TBX20: variants seen among roughly 807,000 people sequenced by gnomAD.
The protein encoded by TBX20 is T-box transcription factor 20.
Under a neutral mutation model 42.9 loss-of-function variants are expected in TBX20, and 8 were observed. The observed-to-expected ratio is 0.19, with a 90% CI of 0.11 to 0.34. The LOEUF is 0.34. Ranked by LOEUF, TBX20 falls within the 10% of genes least tolerant of loss-of-function variation. The probability of loss-of-function intolerance (pLI) is 1.00; values close to 1 mark genes in which losing one functional copy is unlikely to be tolerated. For missense variants in TBX20, 411 were observed against 566.0 expected (o/e 0.73, Z 2.78); for synonymous variants, 198 against 222.8 (o/e 0.89, Z 0.99).
chr7:35,245,973 C>A (rs569351786), intron 3 of TBX20, among the ~76,000 whole-genome samples: 20 of 152,220 alleles, frequency 1.3e-4, no homozygotes, highest in Admixed American at 3.3e-4. Context: ...CCTTTATCCA[C>A]GTAAAAGGTT....
chr7:35,215,763 A>AC (rs1219162653), intron 6 of TBX20, among the ~76,000 whole-genome samples: 1 of 152,142 alleles, frequency 6.6e-6, no homozygotes, highest in Admixed American at 6.5e-5. Context: ...AATGGTACAC[A>AC]CGTCAGAGAC....
chr7:35,232,554 C>G (rs1005746012), intron 5 of TBX20, among the ~76,000 whole-genome samples: 3 of 152,194 alleles, frequency 2.0e-5, no homozygotes, highest in Admixed American at 2.0e-4. Flanking sequence ...TGGTCAGTAA[C>G]TTAATTAGAA....
intron 6 of TBX20, among the ~76,000 whole-genome samples, chr7:35,209,231 A>G (rs1266637519): frequency 6.6e-6 from 1 of 151,914 alleles, no homozygotes; most frequent in East Asian, 1.9e-4. Flanking sequence ...CTCCTCTTCA[A>G]TTTTCTAGAA....
intron 1 of TBX20, among the ~76,000 whole-genome samples, chr7:35,252,281 TTTTG>T (rs1267262874): frequency 1.2e-4 from 18 of 152,318 alleles, no homozygotes; most frequent in African/African-American, 4.3e-4. Flanking sequence ...AACAATTGGA[TTTTG>T]TTTGATTGAT....
intron 6 of TBX20, among the ~76,000 whole-genome samples, chr7:35,221,237 A>C (rs1357947167): frequency 6.7e-6 from 1 of 149,930 alleles, no homozygotes; most frequent in East Asian, 1.9e-4. Flanking sequence ...GGAGAAGTAC[A>C]AAAAAAAATC....
chr7:35,250,042 T>G lies in TBX20; in HGVS notation c.289A>C (p.Met97Leu). Residue 97 changes from methionine to leucine, a missense_variant, in exon 2 of 8, where the codon ATG becomes CTG. Coordinates refer to ENST00000408931, the MANE Select transcript of TBX20 (RefSeq NM_001077653.2). ...PTTPIIPSEE[M>L]AKIACSLETK... ...TCCAGGCTGCAGGCAATTTTGGCCA[T>G]TTCCTCACTGGGGATGATGGGGGTG... is the stretch of plus-strand genomic sequence containing the variant. 1 of 1,613,950 alleles carries G rather than the reference T, an allele frequency of 6.2e-7. No individual in the cohort carries two copies. The highest frequency in any genetic ancestry group is 1.1e-5 in the South Asian group (1 of 91,066).
intron 1 of TBX20, among the ~76,000 whole-genome samples, chr7:35,253,247 G>C (rs1226516359): frequency 2.6e-5 from 4 of 152,198 alleles, no homozygotes; most frequent in Non-Finnish European, 5.9e-5. Context: ...CCATATGTCT[G>C]ATCTGATATA....
rs1194728460 is a variant in TBX20 at position 35,249,277 on chromosome 7, G to T, written c.381-436C>A. ...TTGCAAAATAAAAGCCAAAAGCAGA[G>T]GTTTCTGGGAAGGATTTCTCAGATG... On this transcript the variant is annotated intron_variant, in intron 2 of 7. Coordinates refer to ENST00000408931, the MANE Select transcript of TBX20 (RefSeq NM_001077653.2). This position sits in a 1 kb window ranked among gnomAD's most constrained non-coding sequence, Gnocchi z 4.3. 1.3e-5 allele frequency among the ~76,000 whole-genome samples: 2 copies of T among 152,158 alleles called. No individual in the cohort carries two copies. Among genetic ancestry groups the T allele is most frequent in the Non-Finnish European group, 2.9e-5 (2 of 68,036 alleles).
chr7:35,223,702 T>G (rs1416859515), intron 6 of TBX20, among the ~76,000 whole-genome samples: 2 of 152,074 alleles, frequency 1.3e-5, no homozygotes, highest in Non-Finnish European at 2.9e-5. Flanking sequence ...ACTGGTGACT[T>G]TGACAAGGGT....
intron 6 of TBX20, among the ~76,000 whole-genome samples, chr7:35,224,897 C>CAAA (rs1789744541): frequency 6.6e-6 from 1 of 151,608 alleles, no homozygotes. Flanking sequence ...CAACAGCCAC[C>CAAA]AAAAACCATA....
At chr7:35,221,225 G>A (rs1789676578) in intron 6 of TBX20, among the ~76,000 whole-genome samples, 1 of 144,682 alleles carries the variant, frequency 6.9e-6, no homozygotes, top group Non-Finnish European at 1.5e-5. Context: ...TTCGTTGAGG[G>A]AGGAGAAGTA....
intron 4 of TBX20, 100 bp downstream of exon 4, chr7:35,244,849 G>T (rs1322951633): frequency 3.7e-6 from 3 of 809,610 alleles, no homozygotes; most frequent in East Asian, 2.5e-5. Context: ...AAGGTGGGAA[G>T]GGGATAGGGA....
intron 6 of TBX20, among the ~76,000 whole-genome samples, chr7:35,213,067 C>A (rs1407262581): frequency 2.6e-5 from 4 of 152,160 alleles, no homozygotes; most frequent in South Asian, 2.1e-4. Flanking sequence ...ATGGTCTATA[C>A]CCCCTCAGGA....
chr7:35,239,709 A>T (rs1005730673), intron 5 of TBX20, among the ~76,000 whole-genome samples: 1 of 152,048 alleles, frequency 6.6e-6, no homozygotes, highest in Non-Finnish European at 1.5e-5. Context: ...AGTTGGAATA[A>T]GCCCTATGGA....
intron 6 of TBX20, among the ~76,000 whole-genome samples, chr7:35,231,242 C>G (rs1444380436): frequency 6.6e-6 from 1 of 152,280 alleles, no homozygotes; most frequent in East Asian, 1.9e-4. Context: ...TCTTTAATAA[C>G]AACAAAGCCC....
Position 35,249,803 on chromosome 7 carries a change from A to G in TBX20, c.380+148T>C. 2.3e-6 allele frequency: 2 copies of G among 872,452 alleles called. No individual in the cohort carries two copies. Among genetic ancestry groups the G allele is most frequent in the South Asian group, 1.8e-5 (1 of 56,214 alleles). The allele number at this position is 872,452 out of a possible 1,614,324, so 54.0% of individuals were successfully genotyped here. On this transcript the variant is annotated intron_variant, in intron 2 of 7. Transcript: ENST00000408931. The surrounding 1 kb of genome is among the most constrained non-coding windows in gnomAD (Gnocchi z 4.3). The stretch of plus-strand genomic sequence containing the variant: ...TAGACATCCTGTAGCTCCTAATGCA[A>G]GCTGGTGGAAAGCAGCTGCCCTGGA...
At chr7:35,213,200 A>T (rs993537307) in intron 6 of TBX20, among the ~76,000 whole-genome samples, 7 of 152,174 alleles carry the variant, frequency 4.6e-5, no homozygotes, top group African/African-American at 1.7e-4. Context: ...TATGTTTCTT[A>T]GTTGTTTCAG....
Position 35,242,711 on chromosome 7 carries a change from A to T in TBX20, c.655-1674T>A, listed in dbSNP as rs181401952. Among the ~76,000 whole-genome samples the T allele has an allele frequency of 5.3e-4, 81 of 152,270 alleles. No individual in the cohort carries two copies. In the Middle Eastern group the frequency reaches 0.024, roughly 45 times the overall value. On this transcript the variant is annotated intron_variant, in intron 4 of 7. Coordinates refer to ENST00000408931, the MANE Select transcript of TBX20 (RefSeq NM_001077653.2). ...GACTCAGACCCCAGACTGAGCCTCT[A>T]AGACCCCAGAGCTCCCTGAATCTCT...
At position 35,240,423 on chromosome 7, in the gene TBX20, T is replaced by C. The variant is rs150864890; in HGVS notation, c.813+456A>G. ...ACATTTAAAATCATTTTACCAGAAT[T>C]ATCTCACCCTAAATTATAGCTGAAT... is the stretch of plus-strand genomic sequence containing the variant. On this transcript the variant is annotated intron_variant, in intron 5 of 7. Transcript: ENST00000408931. Among the ~76,000 whole-genome samples, 431 of 152,344 alleles carry C rather than the reference T, an allele frequency of 2.8e-3. 2 individuals carry two copies. The highest frequency in any genetic ancestry group is 0.02 in the Middle Eastern group (6 of 294).
Sources: allele counts gnomAD v4.1 joint callset (sites outside exome capture counted in the v4.1 genomes callset), GRCh38; gene constraint gnomAD v4.1.1; non-coding constraint Gnocchi (gnomAD v3.1); transcripts MANE v1.5; gene names NCBI Gene and HGNC (gene_info 2026-07-23, HGNC 2026-07-21).